The following PCDHA12 variants were observed in gnomAD, a reference collection of about 807,000 sequenced individuals.
PCDHA12 encodes the protein protocadherin alpha 12, also known as protocadherin alpha-12.
PCDHA12 carries 44 observed loss-of-function variants against 60.0 expected under a neutral mutation model. The observed-to-expected ratio is 0.73, with a 90% CI of 0.58 to 0.94. The LOEUF (loss-of-function observed/expected upper bound fraction) is 0.94. PCDHA12 is among the 40% of genes least tolerant of loss of function. The probability of loss-of-function intolerance (pLI) is 0.00; values close to 1 mark genes in which losing one functional copy is unlikely to be tolerated. For missense variants in PCDHA12, 1,276 were observed against 1,239.7 expected (o/e 1.03, Z -0.44); for synonymous variants, 569 against 553.0 (o/e 1.03, Z -0.40).
In PCDHA12 at chr5:141,006,221, T is replaced by C. The variant is rs559314025; in HGVS notation, c.2516-3406T>C. Among the ~76,000 whole-genome samples, 485 of 152,162 alleles carry C rather than the reference T, an allele frequency of 3.2e-3. 7 individuals carry two copies. The highest frequency in any genetic ancestry group is 0.01 in the Middle Eastern group (3 of 294). On this transcript the variant is annotated intron_variant, in intron 3 of 3. Transcript: ENST00000398631. Reference sequence around the variant, plus strand: ...GTTATGCCTCATTTTTTTTTAAATTTTTTATTTTTAGATGGAGTCTTGCTC... The same window carrying C: ...GTTATGCCTCATTTTTTTTTAAATTCTTTATTTTTAGATGGAGTCTTGCTC...
chr5:140,896,137 G>A (rs547993953), intron 1 of PCDHA12, among the ~76,000 whole-genome samples: 16 of 152,260 alleles, frequency 1.1e-4, no homozygotes, highest in African/African-American at 3.1e-4. Flanking sequence ...TTTATCCAGT[G>A]CACCATTGAT....
intron 1 of PCDHA12, among the ~76,000 whole-genome samples, chr5:140,977,960 A>G (rs760810328): frequency 9.2e-5 from 14 of 152,142 alleles, no homozygotes; most frequent in Non-Finnish European, 1.3e-4. Flanking sequence ...GGCCACCTCA[A>G]TCTCCGCCCA....
At chr5:141,007,395 C>CAAAAAAAAAAA (rs35800918) in intron 3 of PCDHA12, among the ~76,000 whole-genome samples, 6 of 94,856 alleles carry the variant, frequency 6.3e-5, no homozygotes, top group South Asian at 3.5e-4. Flanking sequence ...TACTAAAATA[C>CAAAAAAAAAAA]AAAAAAAAAA....
At chr5:140,918,940 A>G (rs541337613) in intron 1 of PCDHA12, among the ~76,000 whole-genome samples, 1 of 152,212 alleles carries the variant, frequency 6.6e-6, no homozygotes, top group Non-Finnish European at 1.5e-5. Context: ...TTTTGTTATA[A>G]TATCCTGAAC....
intron 1 of PCDHA12, chr5:140,967,193 G>A (rs1190093681): frequency 6.2e-7 from 1 of 1,613,392 alleles, no homozygotes; most frequent in Non-Finnish European, 8.5e-7. Flanking sequence ...GGACATCAAC[G>A]ACAACTCACC....
chr5:140,879,685 A>G (rs2058084553), intron 1 of PCDHA12, among the ~76,000 whole-genome samples: 1 of 152,266 alleles, frequency 6.6e-6, no homozygotes, highest in East Asian at 1.9e-4. Flanking sequence ...GCTGTAAAAC[A>G]GCAAAAGTTT....
intron 1 of PCDHA12, among the ~76,000 whole-genome samples, chr5:140,906,354 A>C (rs552915845): frequency 3.8e-4 from 58 of 152,336 alleles, no homozygotes; most frequent in South Asian, 1.7e-3. Context: ...GAATGCACCA[A>C]TTCCCAACCC....
intron 3 of PCDHA12, among the ~76,000 whole-genome samples, chr5:140,985,892 A>G (rs2097176300): frequency 1.3e-5 from 2 of 151,830 alleles, no homozygotes; most frequent in Non-Finnish European, 2.9e-5. Flanking sequence ...GGCGCCCGCC[A>G]CCACTCCCGT....
At chr5:140,973,489 G>T (rs1554235344) in intron 1 of PCDHA12, among the ~76,000 whole-genome samples, 2 of 152,096 alleles carry the variant, frequency 1.3e-5, no homozygotes, top group African/African-American at 4.8e-5. Flanking sequence ...TTGGTCACAG[G>T]ACTCTTCTTC....
chr5:140,883,726 G>A, intron 1 of PCDHA12: 2 of 1,613,590 alleles, frequency 1.2e-6, no homozygotes, highest in Non-Finnish European at 1.7e-6. Context: ...ACGCACAGGA[G>A]AACGCGCTGG....
chr5:140,882,577 C>T (rs370671644), intron 1 of PCDHA12: 45 of 1,614,120 alleles, frequency 2.8e-5, no homozygotes, highest in East Asian at 1.3e-4. Flanking sequence ...CGGAGTGCAG[C>T]ATCCACCTGG....
chr5:140,993,087 G>T (rs1476981409), intron 3 of PCDHA12, among the ~76,000 whole-genome samples: 2 of 152,188 alleles, frequency 1.3e-5, no homozygotes, highest in African/African-American at 4.8e-5. Flanking sequence ...AATCAGCAGG[G>T]CTATGTTTAT....
At chr5:140,993,032 G>A (rs1356944264) in intron 3 of PCDHA12, among the ~76,000 whole-genome samples, 2 of 152,286 alleles carry the variant, frequency 1.3e-5, no homozygotes, top group South Asian at 2.1e-4. Flanking sequence ...TGTGGGCTCC[G>A]TGTGTCATCA....
intron 1 of PCDHA12, among the ~76,000 whole-genome samples, chr5:140,907,596 G>A (rs1554193068): frequency 2.0e-5 from 3 of 152,214 alleles, no homozygotes; most frequent in African/African-American, 7.2e-5. Flanking sequence ...ATCACCCTGA[G>A]GAATGGTGCC....
At position 141,009,688 on chromosome 5, in the gene PCDHA12, C is replaced by A. The variant is rs2098413722; in HGVS notation, c.2577C>A (p.Thr859=). 1 of 1,613,960 alleles carries A rather than the reference C, an allele frequency of 6.2e-7. No individual in the cohort carries two copies. Among genetic ancestry groups the A allele is most frequent in the Admixed American group, 1.7e-5 (1 of 59,994 alleles). ...CGGGTGTCAACAGCAACAGCTGGAC[C>A]TTTAAATACGGACCAGGCAACCCCA... ...VGAGVNSNSW[T]FKYGPGNPKQ... is the part of the protein sequence containing the mutation. Residue 859 remains threonine, a synonymous_variant, in exon 4 of 4, where the codon ACC becomes ACA. Transcript: ENST00000398631.
chr5:140,897,937 C>T (rs1487544322), intron 1 of PCDHA12, among the ~76,000 whole-genome samples: 7 of 152,184 alleles, frequency 4.6e-5, no homozygotes, highest in African/African-American at 1.7e-4. Flanking sequence ...CTCTGATGGC[C>T]AGTGATGATT....
intron 3 of PCDHA12, among the ~76,000 whole-genome samples, chr5:141,008,546 A>G (rs2098381708): frequency 6.6e-6 from 1 of 150,382 alleles, no homozygotes; most frequent in Non-Finnish European, 1.5e-5. Flanking sequence ...TTTATTGAAA[A>G]CTCCTGTGGA....
At chr5:140,929,241 T>TG (rs2085975080) in intron 1 of PCDHA12, 1 of 1,613,878 alleles carries the variant, frequency 6.2e-7, no homozygotes. Context: ...TGCGAAATCT[T>TG]GCCACTGGGG....
chr5:141,000,419 A>T (rs1394449061), intron 3 of PCDHA12, among the ~76,000 whole-genome samples: 972 of 60,664 alleles, frequency 0.016, 14 homozygotes, highest in African/African-American at 0.023. Flanking sequence ...ATATATATAT[A>T]TATTTTTTTT....
Sources: gnomAD v4.1 joint callset for allele counts (sites outside exome capture counted in the v4.1 genomes callset) on GRCh38, gnomAD v4.1.1 for gene constraint, MANE v1.5 for transcripts, NCBI Gene and HGNC (gene_info 2026-07-23, HGNC 2026-07-21) for gene names.